The following TENM2 variants were observed in gnomAD, a reference collection of about 807,000 sequenced individuals.
TENM2 encodes teneurin transmembrane protein 2.
A neutral mutation model predicts 245.2 loss-of-function variants in TENM2; 52 were observed. The observed-to-expected ratio is 0.21, with a 90% CI of 0.17 to 0.27. The LOEUF (loss-of-function observed/expected upper bound fraction) is 0.27. Ranked by LOEUF, TENM2 falls within the 10% of genes least tolerant of loss-of-function variation. TENM2 has a pLI of 1.00. For synonymous variants in TENM2, 1,363 were observed against 1,438.9 expected (o/e 0.95, Z 1.19); for missense variants, 3,046 against 3,666.8 (o/e 0.83, Z 4.37).
At chr5:167,126,064 T>C in the TENM2 span, among the ~76,000 whole-genome samples, 16 of 152,308 alleles carry the variant, frequency 1.1e-4, no homozygotes, top group African/African-American at 2.2e-4. Context: ...AGACTTTTGA[T>C]GACTTAAAGG....
chr5:167,703,595 C>G (rs73386413), intron 2 of TENM2, among the ~76,000 whole-genome samples: 7,694 of 149,954 alleles, frequency 0.051, 604 homozygotes, highest in African/African-American at 0.17. Flanking sequence ...GGGTGTGAGT[C>G]TTACTTGTTA....
chr5:167,196,512 G>GTATATATGTGTGTGTATATATATA, the TENM2 span, among the ~76,000 whole-genome samples: 2 of 144,240 alleles, frequency 1.4e-5, no homozygotes, highest in African/African-American at 5.7e-5. Context: ...ATATATATGT[G>GTATATATGTGTGTGTATATATATA]TGTGTATATA....
intron 7 of TENM2, among the ~76,000 whole-genome samples, chr5:168,089,647 C>A (rs574410113): frequency 6.6e-6 from 1 of 152,134 alleles, no homozygotes; most frequent in Non-Finnish European, 1.5e-5. Context: ...CCAAGCCAAT[C>A]TATGTCTAAA....
intron 12 of TENM2, among the ~76,000 whole-genome samples, chr5:168,156,265 A>AAAAAAAAC (rs1241565395): frequency 1.3e-5 from 2 of 150,580 alleles, no homozygotes; most frequent in South Asian, 2.1e-4. Context: ...AAAAAAAAAA[A>AAAAAAAAC]ACACTTTTTT....
At chr5:167,754,722 A>G (rs1182941180) in intron 2 of TENM2, among the ~76,000 whole-genome samples, 1 of 40,170 alleles carries the variant, frequency 2.5e-5, no homozygotes, top group Non-Finnish European at 5.9e-5. Flanking sequence ...TTTTTAAGAG[A>G]TATTTCAAAA....
intron 2 of TENM2, among the ~76,000 whole-genome samples, chr5:167,783,781 A>G (rs1027720454): frequency 1.3e-5 from 2 of 152,110 alleles, no homozygotes; most frequent in African/African-American, 2.4e-5. Flanking sequence ...CTGCTGAGGA[A>G]TCACACAGAT....
the TENM2 span, among the ~76,000 whole-genome samples, chr5:167,062,802 C>T: frequency 6.6e-6 from 1 of 152,094 alleles, no homozygotes; most frequent in East Asian, 1.9e-4. Flanking sequence ...GGGCTTGGGA[C>T]AGCTGATCAA....
At chr5:167,028,624 T>C in the TENM2 span, among the ~76,000 whole-genome samples, 2 of 152,070 alleles carry the variant, frequency 1.3e-5, no homozygotes, top group Non-Finnish European at 2.9e-5. Flanking sequence ...ATATATCAAA[T>C]AATATACAGC....
chr5:166,981,385 G>T, the TENM2 span, among the ~76,000 whole-genome samples: 1 of 152,150 alleles, frequency 6.6e-6, no homozygotes, highest in Admixed American at 6.5e-5. Context: ...TAAGACCACA[G>T]TTGTCTTTGA....
rs1196225498 is a variant in TENM2 at position 168,158,848 on chromosome 5, T to TACAC, written c.2423-3762_2423-3761insCACA. Reference sequence around the variant, plus strand: ...GTGTGTGTATATATATATATATATATATACACACACACACACACACATATA... The same window carrying TACAC: ...GTGTGTGTATATATATATATATATATACACATACACACACACACACACACATATA... On this transcript the variant is annotated intron_variant, in intron 12 of 28. Coordinates refer to ENST00000518659, the Ensembl canonical transcript of TENM2. Among the ~76,000 whole-genome samples the TACAC allele has an allele frequency of 2.2e-4, 13 of 58,696 alleles. 1 individual carries two copies. Among genetic ancestry groups the TACAC allele is most frequent in the African/African-American group, 4.4e-4 (8 of 18,150 alleles). The allele number at this position is 58,696 out of a possible 152,430, so 38.5% of individuals were successfully genotyped here. A position where few individuals can be genotyped will look rare whatever the true frequency, so the allele number is the denominator to read the frequency against.
At chr5:167,197,686 T>C in the TENM2 span, among the ~76,000 whole-genome samples, 1 of 152,046 alleles carries the variant, frequency 6.6e-6, no homozygotes, top group Non-Finnish European at 1.5e-5. Flanking sequence ...ATATATGTTC[T>C]TCCATATGAA....
chr5:167,019,027 G>A, the TENM2 span, among the ~76,000 whole-genome samples: 3 of 152,162 alleles, frequency 2.0e-5, no homozygotes, highest in Non-Finnish European at 2.9e-5. Context: ...CTCAGGTCTG[G>A]TCTTCAGACT....
At chr5:167,867,024 C>G (rs1203932187) in intron 2 of TENM2, among the ~76,000 whole-genome samples, 1 of 152,180 alleles carries the variant, frequency 6.6e-6, no homozygotes. Flanking sequence ...TACACATGAC[C>G]AACATAATGT....
the TENM2 span, among the ~76,000 whole-genome samples, chr5:167,070,726 T>TGAA: frequency 6.6e-6 from 1 of 152,112 alleles, no homozygotes; most frequent in Non-Finnish European, 1.5e-5. Flanking sequence ...TTGTCAAGTG[T>TGAA]GAAGACCAGG....
intron 3 of TENM2, among the ~76,000 whole-genome samples, chr5:167,911,440 T>C (rs1387574358): frequency 6.6e-6 from 1 of 152,148 alleles, no homozygotes; most frequent in East Asian, 1.9e-4. Context: ...GGCAGGAGAA[T>C]GGCGTGAACC....
intron 2 of TENM2, among the ~76,000 whole-genome samples, chr5:167,773,803 T>C (rs1427740178): frequency 6.6e-6 from 1 of 152,146 alleles, no homozygotes; most frequent in Non-Finnish European, 1.5e-5. Context: ...GCCAGCTCCA[T>C]GCTGTTACAG....
intron 25 of TENM2, among the ~76,000 whole-genome samples, chr5:168,239,124 G>T (rs1051054711): frequency 4.6e-5 from 7 of 152,118 alleles, no homozygotes; most frequent in African/African-American, 1.7e-4. Context: ...GGGGGGGCAG[G>T]TATCCTCAAA....
intron 2 of TENM2, among the ~76,000 whole-genome samples, chr5:167,665,037 A>G (rs1338870341): frequency 6.6e-6 from 1 of 152,200 alleles, no homozygotes; most frequent in Non-Finnish European, 1.5e-5. Flanking sequence ...ACACTCTGCA[A>G]ATGGAGGGAA....
intron 11 of TENM2, among the ~76,000 whole-genome samples, chr5:168,126,500 G>A (rs964406654): frequency 2.0e-5 from 3 of 152,188 alleles, no homozygotes; most frequent in Admixed American, 6.5e-5. Flanking sequence ...GGGCACAAGA[G>A]TCTACATTTC....
Sources: allele counts gnomAD v4.1 joint callset (sites outside exome capture counted in the v4.1 genomes callset), GRCh38; gene constraint gnomAD v4.1.1; transcripts MANE v1.5; gene names NCBI Gene and HGNC (gene_info 2026-07-23, HGNC 2026-07-21).